The following CNIH3 variants were observed in gnomAD, a reference collection of about 807,000 sequenced individuals.
The protein encoded by CNIH3 is cornichon family AMPA receptor auxiliary protein 3.
In CNIH3, 14 loss-of-function variants were observed where a neutral mutation model predicts 24.1. The observed-to-expected ratio is 0.58, with a 90% CI of 0.38 to 0.91. CNIH3 has a LOEUF of 0.91. Among genes scored for constraint, CNIH3 ranks in the 40% least tolerant of loss-of-function variants. The pLI, the probability that CNIH3 is intolerant of heterozygous loss-of-function variation, is 0.00. For missense variants in CNIH3, 178 were observed against 196.8 expected, an observed-to-expected ratio of 0.90 and a Z score of 0.57; for synonymous variants, 68 against 73.8, an observed-to-expected ratio of 0.92 and a Z score of 0.40.
chr1:224,693,334 G>T (rs1687017678), intron 3 of CNIH3, among the ~76,000 whole-genome samples: 1 of 152,204 alleles, frequency 6.6e-6, no homozygotes, highest in African/African-American at 2.4e-5. Flanking sequence ...TGGGGATCTG[G>T]GTAGCTGGTT....
chr1:224,530,609 TC>T (rs1472989666), intron 2 of CNIH3, among the ~76,000 whole-genome samples: 5 of 152,024 alleles, frequency 3.3e-5, no homozygotes, highest in Non-Finnish European at 5.9e-5. Flanking sequence ...TTTCTTTTTT[TC>T]TTTTTTTTTA....
chr1:224,594,473 T>TG (rs1479130767), intron 3 of CNIH3, among the ~76,000 whole-genome samples: 2 of 152,170 alleles, frequency 1.3e-5, no homozygotes, highest in Admixed American at 1.3e-4. Context: ...TGCAGCCACA[T>TG]GGGGCAGGCT....
intron 4 of CNIH3, among the ~76,000 whole-genome samples, chr1:224,581,256 G>T (rs73115953): frequency 0.23 from 34,244 of 151,872 alleles, 4,208 homozygotes; most frequent in Admixed American, 0.33. Context: ...GGTTTTGATG[G>T]TTTTTTTGGA....
chr1:224,720,540 C>T (rs1179233065), intron 3 of CNIH3, among the ~76,000 whole-genome samples: 1 of 152,084 alleles, frequency 6.6e-6, no homozygotes, highest in Non-Finnish European at 1.5e-5. Context: ...GCTGGGTGGG[C>T]ACCGTGGGTG....
At chr1:224,547,618 G>A (rs1311820579) in intron 3 of CNIH3, among the ~76,000 whole-genome samples, 1 of 151,546 alleles carries the variant, frequency 6.6e-6, no homozygotes, top group Non-Finnish European at 1.5e-5. Flanking sequence ...CACAGTGCGT[G>A]TACACCCCGT....
At chr1:224,737,290 G>A (rs757722055) in intron 5 of CNIH3, among the ~76,000 whole-genome samples, 1 of 152,124 alleles carries the variant, frequency 6.6e-6, no homozygotes, top group Non-Finnish European at 1.5e-5. Context: ...TTCTGTAACC[G>A]AGTGTGTTCC....
intron 3 of CNIH3, among the ~76,000 whole-genome samples, chr1:224,719,878 G>C (rs1045317823): frequency 2.6e-5 from 4 of 152,244 alleles, no homozygotes; most frequent in African/African-American, 4.8e-5. Context: ...AATCAGAGTT[G>C]TGGTAAAGCT....
At chr1:224,646,650 C>T (rs1558249708) in intron 1 of CNIH3, among the ~76,000 whole-genome samples, 2 of 152,162 alleles carry the variant, frequency 1.3e-5, no homozygotes, top group Non-Finnish European at 2.9e-5. Context: ...AAGCAACCCT[C>T]CTGCTTCGGC....
intron 1 of CNIH3, chr1:224,661,726 G>T: frequency 5.0e-6 from 1 of 199,178 alleles, no homozygotes; most frequent in South Asian, 8.9e-5. Context: ...GCATCTGACA[G>T]CACCTCACGT....
At position 224,581,807 on chromosome 1, in the gene CNIH3, G is replaced by A. The variant is rs572183325; in HGVS notation, n.517-1357G>A. ...ATCTCCTTTGCCAAGGATCTTTGGGGATAACATTTAAGTCACTTATAAACC... is the reference window on the plus strand; with the variant it reads ...ATCTCCTTTGCCAAGGATCTTTGGGAATAACATTTAAGTCACTTATAAACC... On this transcript the variant is annotated intron_variant and non_coding_transcript_variant, in intron 4 of 5. Coordinates refer to the CNIH3 transcript ENST00000471578. Among the ~76,000 whole-genome samples, 2 of 152,272 alleles carry A rather than the reference G, an allele frequency of 1.3e-5. 1 individual carries two copies. The highest frequency in any genetic ancestry group is 4.8e-5 in the African/African-American group (2 of 41,550).
At chr1:224,434,799 G>C in exon 1 of CNIH3, 2 of 986,292 alleles carry the variant, frequency 2.0e-6, no homozygotes, top group South Asian at 9.2e-5. Context: ...CTGCCTAATG[G>C]AGTCCAGGCG....
intron 1 of CNIH3, among the ~76,000 whole-genome samples, chr1:224,663,738 T>C (rs1223007645): frequency 1.3e-5 from 2 of 152,150 alleles, no homozygotes; most frequent in Non-Finnish European, 2.9e-5. Flanking sequence ...CACTCACTTA[T>C]CCAGATGCAG....
chr1:224,682,975 AC>A (rs1686475741), intron 2 of CNIH3, among the ~76,000 whole-genome samples: 1 of 152,192 alleles, frequency 6.6e-6, no homozygotes, highest in Non-Finnish European at 1.5e-5. Context: ...TTTTTGTGGA[AC>A]CCTTTCCATC....
chr1:224,557,870 A>G (rs189151592), intron 3 of CNIH3, among the ~76,000 whole-genome samples: 234 of 152,318 alleles, frequency 1.5e-3, no homozygotes, highest in Admixed American at 3.7e-3. Flanking sequence ...GCACATACAC[A>G]TAATCCTATT....
chr1:224,639,056 A>G (rs1684229134), intron 1 of CNIH3, among the ~76,000 whole-genome samples: 1 of 152,148 alleles, frequency 6.6e-6, no homozygotes, highest in Non-Finnish European at 1.5e-5. Flanking sequence ...CAGGAAATGT[A>G]TTCTTATGGT....
intron 3 of CNIH3, among the ~76,000 whole-genome samples, chr1:224,557,251 T>A (rs1286902253): frequency 6.6e-6 from 1 of 152,078 alleles, no homozygotes; most frequent in East Asian, 1.9e-4. Flanking sequence ...TGTTGCTGTG[T>A]TGCTCAGGCT....
At chr1:224,726,773 T>C (rs920075029) in intron 3 of CNIH3, among the ~76,000 whole-genome samples, 6 of 152,144 alleles carry the variant, frequency 3.9e-5, no homozygotes, top group African/African-American at 1.4e-4. Context: ...TTTATGACTC[T>C]AGAAAGCAGG....
chr1:224,639,390 G>A (rs1195524928), intron 1 of CNIH3, among the ~76,000 whole-genome samples: 1 of 152,234 alleles, frequency 6.6e-6, no homozygotes. Flanking sequence ...TTAGGGGCCT[G>A]CGGGCCCCAC....
intron 3 of CNIH3, among the ~76,000 whole-genome samples, chr1:224,548,782 C>A (rs997259099): frequency 6.6e-6 from 1 of 150,994 alleles, no homozygotes; most frequent in Non-Finnish European, 1.5e-5. Flanking sequence ...TGTGTGTACA[C>A]CCTGGCACAT....
Sources: allele counts gnomAD v4.1 joint callset (sites outside exome capture counted in the v4.1 genomes callset), GRCh38; gene constraint gnomAD v4.1.1; transcripts MANE v1.5; gene names NCBI Gene and HGNC (gene_info 2026-07-23, HGNC 2026-07-21).